The following TVP23C variants were observed in gnomAD, a reference collection of about 807,000 sequenced individuals.
TVP23C encodes trans-golgi network vesicle protein 23 homolog C.
A neutral mutation model predicts 28.7 loss-of-function variants in TVP23C; 19 were observed. The ratio of observed to expected loss-of-function variants is 0.66; its 90% CI spans 0.46 to 0.97. The LOEUF (loss-of-function observed/expected upper bound fraction) is 0.97. Ranked by LOEUF, TVP23C falls within the 50% of genes least tolerant of loss-of-function variation. TVP23C has a pLI of 0.00. For synonymous variants in TVP23C, 68 were observed against 81.7 expected (o/e 0.83, Z 0.90); for missense variants, 186 against 241.3 (o/e 0.77, Z 1.52).
At chr17:15,556,160 G>C (rs1984122316) in intron 1 of TVP23C, among the ~76,000 whole-genome samples, 1 of 152,060 alleles carries the variant, frequency 6.6e-6, no homozygotes, top group African/African-American at 2.4e-5. Flanking sequence ...CAGGTGATCT[G>C]TCCGCCTCAG....
chr17:15,542,602 G>A (rs976114327), intron 5 of TVP23C, among the ~76,000 whole-genome samples: 12 of 152,062 alleles, frequency 7.9e-5, no homozygotes, highest in African/African-American at 2.4e-4. Context: ...TCAGCCTCCC[G>A]AGTAACTGGG....
intron 5 of TVP23C, among the ~76,000 whole-genome samples, chr17:15,515,757 G>A (rs1224884833): frequency 6.6e-6 from 1 of 152,110 alleles, no homozygotes; most frequent in Non-Finnish European, 1.5e-5. Flanking sequence ...TCTTCTGGGT[G>A]GATTGCAGAC....
At chr17:15,527,843 A>G (rs972255407) in intron 5 of TVP23C, among the ~76,000 whole-genome samples, 1 of 152,260 alleles carries the variant, frequency 6.6e-6, no homozygotes, top group Non-Finnish European at 1.5e-5. Flanking sequence ...AATTCGTGGA[A>G]AGCACTTTTT....
chr17:15,543,440 T>G (rs1983508614), intron 5 of TVP23C, among the ~76,000 whole-genome samples: 1 of 151,164 alleles, frequency 6.6e-6, no homozygotes, highest in Non-Finnish European at 1.5e-5. Context: ...GTGAAGAATC[T>G]ACTCGAAAAG....
At position 15,539,958 on chromosome 17, in the gene TVP23C, T is replaced by G. The variant is rs1481000526; in HGVS notation, c.*454A>C. ...AATACAAAAAATTAGCTGGGCGTGG[T>G]GGCATGCGCCTGTAATCCCAGCTAC... On this transcript the variant is annotated 3_prime_UTR_variant, in exon 6 of 6. Coordinates refer to ENST00000518321, the MANE Select transcript of TVP23C (RefSeq NM_001135036.2). 3 of 452,448 alleles carry G rather than the reference T, an allele frequency of 6.6e-6. No homozygotes were observed. Among genetic ancestry groups the G allele is most frequent in the Non-Finnish European group, 5.9e-6 (2 of 337,320 alleles). The allele number at this position is 452,448 out of a possible 1,614,324, so 28.0% of individuals were successfully genotyped here. A position where few individuals can be genotyped will look rare whatever the true frequency, so the allele number is the denominator to read the frequency against.
At chr17:15,528,888 G>T (rs1374840040) in intron 5 of TVP23C, among the ~76,000 whole-genome samples, 2 of 151,892 alleles carry the variant, frequency 1.3e-5, no homozygotes, top group Admixed American at 6.6e-5. Context: ...ATCAGCCACC[G>T]TGCCTGGCAG....
intron 5 of TVP23C, among the ~76,000 whole-genome samples, chr17:15,522,994 G>A (rs1322354936): frequency 6.6e-6 from 1 of 152,012 alleles, no homozygotes. Flanking sequence ...AATGTTAAAA[G>A]TGAAGTTATA....
intron 5 of TVP23C, among the ~76,000 whole-genome samples, chr17:15,524,062 G>GT (rs1982609406): frequency 7.8e-6 from 1 of 128,752 alleles, no homozygotes; most frequent in Non-Finnish European, 1.6e-5. Flanking sequence ...TAGCAGAGTG[G>GT]GGTGTGTGTG....
chr17:15,502,893 T>C (rs775269064), exon 6 of TVP23C: 2 of 1,592,060 alleles, frequency 1.3e-6, no homozygotes, highest in Non-Finnish European at 1.7e-6. Context: ...AGATGAAATT[T>C]TGGCCCGGGC....
At chr17:15,511,293 A>G (rs1981993158) in intron 5 of TVP23C, among the ~76,000 whole-genome samples, 1 of 152,188 alleles carries the variant, frequency 6.6e-6, no homozygotes, top group African/African-American at 2.4e-5. Context: ...AAACAATGAC[A>G]TTACAGAAGT....
rs992975438 is a variant in TVP23C at position 15,554,517 on chromosome 17, G to A, written c.96-688C>T. 3.3e-5 allele frequency among the ~76,000 whole-genome samples: 5 copies of A among 152,312 alleles called. No homozygotes were observed. The East Asian group carries it at 9.6e-4, about 29-fold the overall frequency. ...CTCCCAAAGTGCTGGGATTACAGGC[G>A]TGAGCCATCGCGCCCAGCCTGTTTC... is the stretch of plus-strand genomic sequence containing the variant. On this transcript the variant is annotated intron_variant, in intron 2 of 5. Coordinates refer to ENST00000518321, the MANE Select transcript of TVP23C (RefSeq NM_001135036.2).
intron 5 of TVP23C, among the ~76,000 whole-genome samples, chr17:15,508,787 C>A (rs1384748460): frequency 1.3e-5 from 2 of 152,186 alleles, no homozygotes; most frequent in Non-Finnish European, 2.9e-5. Flanking sequence ...GGTCTTGTCT[C>A]TTATCGCTAT....
intron 5 of TVP23C, among the ~76,000 whole-genome samples, chr17:15,522,434 A>G (rs905434618): frequency 2.6e-5 from 4 of 152,182 alleles, no homozygotes; most frequent in African/African-American, 9.7e-5. Context: ...AAATAGACCT[A>G]TTCACACCAG....
downstream of TVP23C, among the ~76,000 whole-genome samples, chr17:15,534,099 T>C (rs1449272906): frequency 2.0e-5 from 3 of 152,148 alleles, no homozygotes; most frequent in Non-Finnish European, 4.4e-5. Context: ...TAAATCAGCT[T>C]CCAGCTGACA....
chr17:15,563,482 A>C lies in TVP23C; in HGVS notation c.-34T>G. 1 of 1,575,658 alleles carries C rather than the reference A, an allele frequency of 6.3e-7. No individual in the cohort carries two copies. Among genetic ancestry groups the C allele is most frequent in the Non-Finnish European group, 8.6e-7 (1 of 1,162,202 alleles). On this transcript the variant is annotated 5_prime_UTR_variant, in exon 1 of 6. Transcript: ENST00000518321. ...TACGCCAGCCCTGCTTCCAGGAGCC[A>C]CGTCAGCGCAGCAGCGTACGGGTCC... is the stretch of plus-strand genomic sequence containing the variant.
At chr17:15,551,366 A>G (rs2150857478) in intron 3 of TVP23C, among the ~76,000 whole-genome samples, 1 of 151,360 alleles carries the variant, frequency 6.6e-6, no homozygotes, top group African/African-American at 2.4e-5. Flanking sequence ...TCAGCCTCCC[A>G]AAGTGCTGGG....
intron 5 of TVP23C, among the ~76,000 whole-genome samples, chr17:15,520,808 AC>A (rs1418502191): frequency 4.6e-5 from 7 of 152,340 alleles, no homozygotes; most frequent in Admixed American, 3.3e-4. Flanking sequence ...GCATAAAAAA[AC>A]ATGAAGATTG....
chr17:15,511,616 C>A (rs990915789), intron 5 of TVP23C, among the ~76,000 whole-genome samples: 1 of 152,096 alleles, frequency 6.6e-6, no homozygotes, highest in Non-Finnish European at 1.5e-5. Context: ...TCCATTTTCC[C>A]AGTTTTTTTT....
chr17:15,551,925 T>C (rs1983910642), intron 3 of TVP23C, among the ~76,000 whole-genome samples: 1 of 152,220 alleles, frequency 6.6e-6, no homozygotes, highest in Non-Finnish European at 1.5e-5. Context: ...TATTCTTGAC[T>C]TCTTAATTTT....
Sources: gnomAD v4.1 joint callset for allele counts (sites outside exome capture counted in the v4.1 genomes callset) on GRCh38, gnomAD v4.1.1 for gene constraint, MANE v1.5 for transcripts, NCBI Gene and HGNC (gene_info 2026-07-23, HGNC 2026-07-21) for gene names.